MYCBP2: variants seen among roughly 807,000 people sequenced by gnomAD.
MYCBP2 encodes MYC binding protein 2.
MYCBP2 carries 120 observed loss-of-function variants against 525.3 expected under a neutral mutation model. The ratio of observed to expected loss-of-function variants is 0.23; its 90% CI spans 0.20 to 0.27. MYCBP2 has a LOEUF of 0.27. Ranked by LOEUF, MYCBP2 falls within the 10% of genes least tolerant of loss-of-function variation. MYCBP2 has a pLI of 1.00. For missense variants in MYCBP2, 4,149 were observed against 5,657.1 expected (o/e 0.73, Z 8.55); for synonymous variants, 1,894 against 1,955.8 (o/e 0.97, Z 0.83).
At chr13:77,060,770 T>C (rs1167949775) in intron 76 of MYCBP2, among the ~76,000 whole-genome samples, 3 of 152,330 alleles carry the variant, frequency 2.0e-5, no homozygotes, top group Non-Finnish European at 1.5e-5. Context: ...TACAACCTTA[T>C]AATAAATAGA....
intron 3 of MYCBP2, among the ~76,000 whole-genome samples, chr13:77,284,739 T>C (rs2076558043): frequency 6.6e-6 from 1 of 152,234 alleles, no homozygotes; most frequent in South Asian, 2.1e-4. Flanking sequence ...CTTACAACTA[T>C]ATATATCATT....
chr13:77,072,192 G>T (rs992425059), intron 68 of MYCBP2, among the ~76,000 whole-genome samples: 1 of 151,662 alleles, frequency 6.6e-6, no homozygotes, highest in Non-Finnish European at 1.5e-5. Context: ...TTGGGAGGCT[G>T]AGGCAGGAGA....
chr13:77,130,662 G>A (rs2052606579), intron 52 of MYCBP2, among the ~76,000 whole-genome samples: 1 of 152,076 alleles, frequency 6.6e-6, no homozygotes, highest in African/African-American at 2.4e-5. Flanking sequence ...CTATGTTTTA[G>A]GGGAAAAATG....
intron 44 of MYCBP2, among the ~76,000 whole-genome samples, chr13:77,159,904 G>A (rs2057683308): frequency 6.6e-6 from 1 of 151,944 alleles, no homozygotes; most frequent in Non-Finnish European, 1.5e-5. Flanking sequence ...TTATATATCT[G>A]TTGAATTTAT....
At position 77,055,466 on chromosome 13, in the gene MYCBP2, T is replaced by C. The variant is rs947628117; in HGVS notation, c.13647+92A>G. 4.9e-6 allele frequency: 5 copies of C among 1,024,164 alleles called. No homozygotes were observed. In the African/African-American group the frequency reaches 6.5e-5, roughly 13 times the overall value. 63.4% of individuals were successfully genotyped at this position (1,024,164 alleles called of 1,614,324 possible). ...CTTATTTTTAACTTCAGGCTTAAGATGGAATAATTAGATATCACTGTACAA... is the reference window on the plus strand; with the variant it reads ...CTTATTTTTAACTTCAGGCTTAAGACGGAATAATTAGATATCACTGTACAA... On this transcript the variant is annotated intron_variant, in intron 80 of 82. Coordinates refer to ENST00000544440, the MANE Select transcript of MYCBP2 (RefSeq NM_015057.5).
intron 57 of MYCBP2, among the ~76,000 whole-genome samples, chr13:77,095,891 C>T (rs1304593196): frequency 4.0e-5 from 6 of 151,352 alleles, no homozygotes; most frequent in African/African-American, 1.5e-4. Context: ...CATTTCAGTG[C>T]GTGTATTCAG....
intron 26 of MYCBP2, among the ~76,000 whole-genome samples, chr13:77,200,913 A>G (rs2062449499): frequency 1.3e-5 from 2 of 152,182 alleles, no homozygotes; most frequent in Admixed American, 6.5e-5. Flanking sequence ...GGAAAGGAAC[A>G]ACCGGTACCA....
intron 4 of MYCBP2, among the ~76,000 whole-genome samples, chr13:77,274,162 C>A (rs1394440933): frequency 6.6e-6 from 1 of 152,088 alleles, no homozygotes; most frequent in Non-Finnish European, 1.5e-5. Flanking sequence ...TTCATTTATA[C>A]CCTAGAAAAA....
chr13:77,214,913 T>C (rs749659658), intron 21 of MYCBP2, among the ~76,000 whole-genome samples: 13 of 152,322 alleles, frequency 8.5e-5, no homozygotes, highest in African/African-American at 1.9e-4. Context: ...AATACTGTTA[T>C]ACAGTGCATA....
intron 1 of MYCBP2, among the ~76,000 whole-genome samples, chr13:77,307,714 T>A (rs1398187969): frequency 6.6e-6 from 1 of 151,168 alleles, no homozygotes; most frequent in African/African-American, 2.4e-5. Flanking sequence ...TCTATGAGAC[T>A]TCTCAATACC....
In MYCBP2 at chr13:77,061,557, T is replaced by C. The variant is rs79231543; in HGVS notation, c.12903+105A>G. On this transcript the variant is annotated intron_variant, in intron 75 of 82. Coordinates refer to ENST00000544440, the MANE Select transcript of MYCBP2 (RefSeq NM_015057.5). ...CAGCTGTGAACTCAACCAAGGTCTT[T>C]GATTCCAAAGTCCACTTTTTCCCCC... The C allele has an allele frequency of 4.1e-3, 5,530 of 1,352,642 alleles. 12 individuals are homozygous for C. Among genetic ancestry groups the C allele is most frequent in the Non-Finnish European group, 5.0e-3 (5,017 of 1,004,340 alleles). The allele number at this position is 1,352,642 out of a possible 1,614,324, so 83.8% of individuals were successfully genotyped here.
chr13:77,167,261 T>C (rs917278187), intron 40 of MYCBP2, among the ~76,000 whole-genome samples: 2 of 152,148 alleles, frequency 1.3e-5, no homozygotes, highest in African/African-American at 2.4e-5. Flanking sequence ...TGTGTGTGTA[T>C]GTATAACAGA....
In MYCBP2 at chr13:77,205,325, G is replaced by A. The variant is rs778175338; in HGVS notation, c.3774C>T (p.Ala1258=). The part of the protein sequence containing the change: ...AHSVEAIRFS[A]DTDILLGGLG... ...GACCACCAAGTAAAATATCAGTGTCGGCACTGAAACGTATAGCTTCTACTG... is the reference window on the plus strand; with the variant it reads ...GACCACCAAGTAAAATATCAGTGTCAGCACTGAAACGTATAGCTTCTACTG... The change falls in exon 26 of 83, where the codon GCC becomes GCT. Residue 1258 remains alanine, a synonymous_variant. Coordinates refer to ENST00000544440, the MANE Select transcript of MYCBP2 (RefSeq NM_015057.5). 2.0e-5 allele frequency: 33 copies of A among 1,613,320 alleles called. No homozygotes were observed. The highest frequency in any genetic ancestry group is 2.5e-5 in the Non-Finnish European group (29 of 1,179,650).
chr13:77,157,680 G>A (rs1188226470), intron 45 of MYCBP2, among the ~76,000 whole-genome samples: 1 of 152,056 alleles, frequency 6.6e-6, no homozygotes, highest in African/African-American at 2.4e-5. Flanking sequence ...AGTCCAGGAA[G>A]TGGAGGTTGC....
intron 68 of MYCBP2, among the ~76,000 whole-genome samples, chr13:77,074,010 C>T (rs74350866): frequency 3.5e-5 from 5 of 140,922 alleles, no homozygotes; most frequent in African/African-American, 1.3e-4. Context: ...CCGCCCCCCC[C>T]CCTTTTTTTT....
intron 75 of MYCBP2, 28 bp from the exon 76 acceptor site, chr13:77,061,329 A>G (rs759493739): frequency 7.7e-6 from 12 of 1,563,510 alleles, no homozygotes; most frequent in Non-Finnish European, 1.0e-5. Context: ...AACAGGGAAA[A>G]ATATGCTTAT....
intron 46 of MYCBP2, among the ~76,000 whole-genome samples, chr13:77,154,912 A>G (rs979411103): frequency 3.0e-4 from 46 of 152,082 alleles, no homozygotes; most frequent in Non-Finnish European, 5.7e-4. Flanking sequence ...CTTGCCTTAA[A>G]AAATAAGATA....
rs888673656 is a variant in MYCBP2 at position 77,062,999 on chromosome 13, A to T, written c.12673-302T>A. ...TGGTCTACTATGTAAACAACATATGAATAAATGAATTGGCATATTTAATAT... is the reference window on the plus strand; with the variant it reads ...TGGTCTACTATGTAAACAACATATGTATAAATGAATTGGCATATTTAATAT... On this transcript the variant is annotated intron_variant, in intron 73 of 82. Coordinates refer to ENST00000544440, the MANE Select transcript of MYCBP2 (RefSeq NM_015057.5). 5.3e-5 allele frequency among the ~76,000 whole-genome samples: 8 copies of T among 152,236 alleles called. No homozygotes were observed. The East Asian group carries it at 1.3e-3, about 26-fold the overall frequency.
intron 56 of MYCBP2, among the ~76,000 whole-genome samples, chr13:77,096,787 T>C (rs551305482): frequency 1.3e-5 from 2 of 152,102 alleles, no homozygotes; most frequent in Non-Finnish European, 2.9e-5. Context: ...AATACAAGTA[T>C]AAAAGTTCTA....
Sources: allele counts gnomAD v4.1 joint callset (sites outside exome capture counted in the v4.1 genomes callset), GRCh38; gene constraint gnomAD v4.1.1; transcripts MANE v1.5; gene names NCBI Gene and HGNC (gene_info 2026-07-23, HGNC 2026-07-21).